The following ABCC1 variants were observed in gnomAD, a reference collection of about 807,000 sequenced individuals.
ABCC1 encodes multidrug resistance-associated protein 1.
Under a neutral mutation model 172.9 loss-of-function variants are expected in ABCC1, and 83 were observed. The observed-to-expected ratio is 0.48, with a 90% CI of 0.40 to 0.58. The LOEUF (loss-of-function observed/expected upper bound fraction) is 0.58. ABCC1 is among the 20% of genes least tolerant of loss of function. The pLI, the probability that ABCC1 is intolerant of heterozygous loss-of-function variation, is 0.00. For synonymous variants in ABCC1, 937 were observed against 825.2 expected (o/e 1.14, Z -2.32); for missense variants, 1,817 against 2,002.7 (o/e 0.91, Z 1.77).
intron 22 of ABCC1, among the ~76,000 whole-genome samples, chr16:16,113,382 G>T (rs1044756731): frequency 1.3e-5 from 2 of 152,152 alleles, no homozygotes; most frequent in Admixed American, 1.3e-4. Flanking sequence ...AACGTTGGGC[G>T]CAGTAGCTCA....
At chr16:16,092,143 C>CTGAGGCTG (rs2051280656) in intron 19 of ABCC1, among the ~76,000 whole-genome samples, 1 of 152,176 alleles carries the variant, frequency 6.6e-6, no homozygotes, top group Non-Finnish European at 1.5e-5. Flanking sequence ...GAGGCTGAGG[C>CTGAGGCTG]AGGAGAATAG....
intron 19 of ABCC1, among the ~76,000 whole-genome samples, chr16:16,091,918 C>T (rs1346665073): frequency 6.6e-6 from 1 of 152,136 alleles, no homozygotes; most frequent in Non-Finnish European, 1.5e-5. Flanking sequence ...CTAGTGATCT[C>T]TAATAAGTGC....
At position 16,131,904 on chromosome 16, in the gene ABCC1, A is replaced by C. The variant is rs1229539166; in HGVS notation, c.3935A>C (p.His1312Pro). ...YREDLDFVLRHINVTINGGEK... is the reference protein window; with the variant it reads ...YREDLDFVLRPINVTINGGEK... ...GAGGACCTGGACTTCGTTCTCAGGC[A>C]CATCAATGTCACGATCAATGGGGGA... Residue 1312 changes from histidine (H) to proline (P), a missense_variant, in exon 27 of 31, where the codon CAC (histidine) becomes CCC (proline). Physicochemically the swap from His to Pro is moderately conservative, Grantham distance 77. Coordinates refer to ENST00000399410, the MANE Select transcript of ABCC1 (RefSeq NM_004996.4). 1 of 1,613,924 alleles carries C rather than the reference A, an allele frequency of 6.2e-7. No homozygotes were observed. The highest frequency in any genetic ancestry group is 2.2e-5 in the East Asian group (1 of 44,874).
At chr16:15,979,247 C>T (rs2046562650) in intron 1 of ABCC1, among the ~76,000 whole-genome samples, 1 of 151,950 alleles carries the variant, frequency 6.6e-6, no homozygotes, top group East Asian at 1.9e-4. Flanking sequence ...GCTGAGATTG[C>T]ACTACTGCAC....
chr16:16,059,315 C>T (rs187252043), intron 12 of ABCC1, among the ~76,000 whole-genome samples: 40 of 152,222 alleles, frequency 2.6e-4, no homozygotes, highest in African/African-American at 8.9e-4. Context: ...TAAATACTTT[C>T]GGAATTCCGG....
chr16:16,079,037 A>T (rs1197218923), intron 15 of ABCC1, among the ~76,000 whole-genome samples: 1 of 151,830 alleles, frequency 6.6e-6, no homozygotes, highest in East Asian at 1.9e-4. Context: ...GCCCCCAGTA[A>T]AGTTTCTGCC....
At chr16:16,062,162 G>A (rs376303766) in intron 12 of ABCC1, among the ~76,000 whole-genome samples, 2 of 152,172 alleles carry the variant, frequency 1.3e-5, no homozygotes, top group Admixed American at 1.3e-4. Flanking sequence ...CTTGTGTCCC[G>A]CTTAGGAGGG....
intron 1 of ABCC1, among the ~76,000 whole-genome samples, chr16:15,987,616 A>G (rs967061832): frequency 6.6e-6 from 1 of 152,226 alleles, no homozygotes; most frequent in African/African-American, 2.4e-5. Flanking sequence ...ATGTTGTCAC[A>G]TGTCCCCTGA....
At chr16:16,122,202 G>T in intron 24 of ABCC1, 28 bp downstream of exon 24, 1 of 1,612,410 alleles carries the variant, frequency 6.2e-7, no homozygotes, top group Non-Finnish European at 8.5e-7. Flanking sequence ...GCAGGAGCGG[G>T]TGGAGGAGGC....
intron 30 of ABCC1, among the ~76,000 whole-genome samples, chr16:16,139,611 C>CAAAAAAAAAAAAAAAAAA (rs386384360): frequency 1.7e-5 from 1 of 57,332 alleles, no homozygotes; most frequent in African/African-American, 8.0e-5. Context: ...GACTCCATCT[C>CAAAAAAAAAAAAAAAAAA]AAAAAAAAAA....
In ABCC1 at chr16:16,111,441, T is replaced by A. The variant is rs1191312533; in HGVS notation, c.2938T>A (p.Phe980Ile). The stretch of plus-strand genomic sequence containing the variant: ...ACTCTTCATCTCCTTCCTCAGCATC[T>A]TCCTTTTCATGTGTAACCATGTGTC... ...IGLFISFLSI[F>I]LFMCNHVSAL... The change falls in exon 22 of 31, where the codon TTC becomes ATC. Residue 980 changes from phenylalanine to isoleucine, a missense_variant. Transcript: ENST00000399410. 5 of 1,614,060 alleles carry A rather than the reference T, an allele frequency of 3.1e-6. No homozygotes were observed. Among genetic ancestry groups the A allele is most frequent in the Non-Finnish European group, 4.2e-6 (5 of 1,180,042 alleles).
intron 20 of ABCC1, among the ~76,000 whole-genome samples, chr16:16,106,027 G>A (rs1229787295): frequency 6.6e-6 from 1 of 151,850 alleles, no homozygotes; most frequent in Non-Finnish European, 1.5e-5. Flanking sequence ...CAGGTGCACG[G>A]TACCACGCCT....
At chr16:15,988,083 G>C (rs1388924585) in intron 1 of ABCC1, among the ~76,000 whole-genome samples, 1 of 152,128 alleles carries the variant, frequency 6.6e-6, no homozygotes, top group Non-Finnish European at 1.5e-5. Context: ...TCAGCCTCCT[G>C]AGTAGCTGGG....
rs771457457 is a variant in ABCC1, at chr16:16,068,153, C to T, written c.1678-3C>T. 6 of 1,613,952 alleles carry T rather than the reference C, an allele frequency of 3.7e-6. No homozygotes were observed. The highest frequency in any genetic ancestry group is 2.2e-5 in the East Asian group (1 of 44,886). On this transcript the variant is annotated splice_region_variant and splice_polypyrimidine_tract_variant and intron_variant, in intron 12 of 30. Coordinates refer to ENST00000399410, the MANE Select transcript of ABCC1 (RefSeq NM_004996.4). ...CAGTCAGCACTGGGCGTTCTGCTTGCAGGTGGCCTTGTGCACATTTGCCGT... is the reference window on the plus strand; with the variant it reads ...CAGTCAGCACTGGGCGTTCTGCTTGTAGGTGGCCTTGTGCACATTTGCCGT...
At chr16:15,977,846 G>A (rs2046528429) in intron 1 of ABCC1, among the ~76,000 whole-genome samples, 1 of 152,166 alleles carries the variant, frequency 6.6e-6, no homozygotes, top group African/African-American at 2.4e-5. Context: ...GCATCCATCT[G>A]TTGTCACATG....
intron 23 of ABCC1, among the ~76,000 whole-genome samples, chr16:16,118,166 C>A (rs1010021977): frequency 2.6e-5 from 4 of 152,124 alleles, no homozygotes; most frequent in African/African-American, 4.8e-5. Flanking sequence ...AGCACAATTG[C>A]CAGTAGGGAT....
intron 1 of ABCC1, among the ~76,000 whole-genome samples, chr16:16,004,016 ATGAATTGG>A (rs371268984): frequency 0.49 from 73,236 of 148,482 alleles, 18,821 homozygotes; most frequent in Non-Finnish European, 0.59. Flanking sequence ...GGGTGGATGG[ATGAATTGG>A]TGGATGGATG....
chr16:15,995,552 A>C (rs542681538), intron 1 of ABCC1, among the ~76,000 whole-genome samples: 11 of 151,866 alleles, frequency 7.2e-5, no homozygotes, highest in Admixed American at 6.6e-4. Flanking sequence ...GCCGCTTTGC[A>C]TAAAGTGAAA....
At chr16:16,036,030 G>A (rs969748762) in intron 6 of ABCC1, among the ~76,000 whole-genome samples, 1 of 151,946 alleles carries the variant, frequency 6.6e-6, no homozygotes, top group African/African-American at 2.4e-5. Context: ...AGGTTGAGAT[G>A]GGAGAACCAC....
Sources: gnomAD v4.1 joint callset for allele counts (sites outside exome capture counted in the v4.1 genomes callset) on GRCh38, gnomAD v4.1.1 for gene constraint, MANE v1.5 for transcripts, NCBI Gene and HGNC (gene_info 2026-07-23, HGNC 2026-07-21) for gene names.